Variants in LTBP1 observed in about 807,000 individuals in gnomAD.
LTBP1 encodes latent transforming growth factor beta binding protein 1, also known as latent-transforming growth factor beta-binding protein 1.
A neutral mutation model predicts 207.6 loss-of-function variants in LTBP1; 129 were observed. The ratio of observed to expected loss-of-function variants is 0.62; its 90% CI spans 0.54 to 0.72. LTBP1 has a LOEUF of 0.72. Among genes scored for constraint, LTBP1 ranks in the 30% least tolerant of loss-of-function variants. LTBP1 has a pLI of 0.00. For missense variants in LTBP1, 2,281 were observed against 2,217.2 expected, an observed-to-expected ratio of 1.03 and a Z score of -0.58; for synonymous variants, 963 against 833.7, an observed-to-expected ratio of 1.16 and a Z score of -2.67.
intron 33 of LTBP1, 88 bp downstream of exon 33, chr2:33,397,370 T>C: frequency 1.3e-6 from 2 of 1,492,638 alleles, no homozygotes; most frequent in Non-Finnish European, 1.8e-6. Flanking sequence ...ATAGATTTGC[T>C]GAGTTTCAGT....
At chr2:33,240,639 A>G (rs553148897) in intron 9 of LTBP1, among the ~76,000 whole-genome samples, 42 of 150,568 alleles carry the variant, frequency 2.8e-4, no homozygotes, top group African/African-American at 9.3e-4. Flanking sequence ...AGGTGATGGA[A>G]ACATTCTTTT....
intron 31 of LTBP1, among the ~76,000 whole-genome samples, chr2:33,380,268 G>T (rs939261271): frequency 6.6e-6 from 1 of 151,998 alleles, no homozygotes; most frequent in Non-Finnish European, 1.5e-5. Context: ...GAGTTTTGCA[G>T]CCCATGATAA....
Position 33,301,671 on chromosome 2 carries a change from C to G in LTBP1, c.3481+27C>G, listed in dbSNP as rs758771990. The G allele has an allele frequency of 1.9e-6, 3 of 1,553,926 alleles. No individual in the cohort carries two copies. The South Asian group carries it at 3.7e-5, about 19-fold the overall frequency. On this transcript the variant is annotated intron_variant, in intron 22 of 33. Transcript: ENST00000404816. ...TAAGAATTGCTCCTGATTTCAGAAT[C>G]ATAAAATGCCCAGATCGGAGGGAAA...
intron 24 of LTBP1, among the ~76,000 whole-genome samples, chr2:33,316,754 T>C (rs1378502291): frequency 6.6e-6 from 1 of 152,228 alleles, no homozygotes; most frequent in Non-Finnish European, 1.5e-5. Context: ...CATGAATGCA[T>C]ACATTCTTCT....
intron 2 of LTBP1, among the ~76,000 whole-genome samples, chr2:32,953,178 G>A (rs1168419834): frequency 6.6e-6 from 1 of 152,232 alleles, no homozygotes; most frequent in Non-Finnish European, 1.5e-5. Context: ...ATGCAAAGGA[G>A]ACAGAGTCAC....
chr2:33,349,786 G>A (rs191494077), intron 26 of LTBP1, among the ~76,000 whole-genome samples: 1 of 152,248 alleles, frequency 6.6e-6, no homozygotes, highest in East Asian at 1.9e-4. Flanking sequence ...ATATTGTACT[G>A]GTTGATGTAA....
At chr2:33,391,974 T>C (rs962505251) in intron 32 of LTBP1, among the ~76,000 whole-genome samples, 8 of 152,146 alleles carry the variant, frequency 5.3e-5, no homozygotes, top group Non-Finnish European at 2.9e-5. Context: ...TCCCAGCCAG[T>C]TTTCTGACCT....
At chr2:33,371,818 C>A (rs575493221) in intron 31 of LTBP1, among the ~76,000 whole-genome samples, 1 of 152,182 alleles carries the variant, frequency 6.6e-6, no homozygotes, top group African/African-American at 2.4e-5. Flanking sequence ...CAACCACGGT[C>A]CGAAATATTA....
At chr2:32,953,014 T>G (rs1677420929) in intron 2 of LTBP1, among the ~76,000 whole-genome samples, 1 of 152,232 alleles carries the variant, frequency 6.6e-6, no homozygotes, top group Non-Finnish European at 1.5e-5. Flanking sequence ...GGAGTGCAGG[T>G]CTGTTTTTAC....
At chr2:33,317,387 A>G (rs2094288948) in intron 24 of LTBP1, among the ~76,000 whole-genome samples, 1 of 152,238 alleles carries the variant, frequency 6.6e-6, no homozygotes, top group Non-Finnish European at 1.5e-5. Flanking sequence ...CGTAATTATT[A>G]TGCATGTTAT....
chr2:33,173,522 C>G (rs1369775941), intron 5 of LTBP1, among the ~76,000 whole-genome samples: 1 of 152,208 alleles, frequency 6.6e-6, no homozygotes, highest in South Asian at 2.1e-4. Flanking sequence ...ACTAGCTTAC[C>G]AACCAAAAAG....
intron 22 of LTBP1, among the ~76,000 whole-genome samples, chr2:33,308,643 T>G (rs910948126): frequency 2.0e-5 from 3 of 152,226 alleles, no homozygotes; most frequent in African/African-American, 7.2e-5. Flanking sequence ...TTTGTGACAA[T>G]TCTTATGTTA....
intron 9 of LTBP1, among the ~76,000 whole-genome samples, chr2:33,224,401 A>G (rs1217216406): frequency 6.6e-6 from 1 of 152,184 alleles, no homozygotes; most frequent in East Asian, 1.9e-4. Flanking sequence ...AAATGGATAA[A>G]ATATACATAT....
At chr2:33,183,259 C>A (rs1009124415) in intron 5 of LTBP1, among the ~76,000 whole-genome samples, 1 of 152,144 alleles carries the variant, frequency 6.6e-6, no homozygotes, top group Admixed American at 6.6e-5. Flanking sequence ...GCTATACTTT[C>A]TTTTTTGTTG....
At chr2:33,139,607 T>C (rs148304038) in intron 5 of LTBP1, among the ~76,000 whole-genome samples, 3,227 of 152,230 alleles carry the variant, frequency 0.021, 51 homozygotes, top group Non-Finnish European at 0.034. Flanking sequence ...GCGTGTTGTA[T>C]CATGGTGAGG....
rs1409633923 is a variant in LTBP1 at position 33,273,624 on chromosome 2, G to T, written c.2618-32G>T. 6 of 1,562,678 alleles carry T rather than the reference G, an allele frequency of 3.8e-6. No individual in the cohort carries two copies. The South Asian group carries it at 7.2e-5, about 19-fold the overall frequency. On this transcript the variant is annotated intron_variant, in intron 15 of 33. Coordinates refer to ENST00000404816, the MANE Select transcript of LTBP1 (RefSeq NM_206943.4). ...CAGTGAAATCTGTTCATTTCTGTGG[G>T]TTTTTTCACATTATTTTATTTACTT...
intron 9 of LTBP1, among the ~76,000 whole-genome samples, chr2:33,224,592 A>G (rs1243566425): frequency 6.6e-6 from 1 of 152,178 alleles, no homozygotes; most frequent in Non-Finnish European, 1.5e-5. Flanking sequence ...TGTTTCGGTT[A>G]TGGAGCAAAT....
chr2:33,373,457 C>T (rs1262487915), intron 31 of LTBP1, among the ~76,000 whole-genome samples: 7 of 152,136 alleles, frequency 4.6e-5, no homozygotes, highest in Non-Finnish European at 2.9e-5. Context: ...AGCACAAAGG[C>T]ATGATGTGAA....
rs192585297 is a variant in LTBP1 at position 33,257,409 on chromosome 2, G to A, written c.2293G>A (p.Val765Ile). The A allele has an allele frequency of 1.9e-6, 3 of 1,614,080 alleles. No homozygotes were observed. Among genetic ancestry groups the A allele is most frequent in the Non-Finnish European group, 2.5e-6 (3 of 1,180,034 alleles). Reference sequence around the variant, plus strand: ...TGTCAAGCCAAAGAACACTCAACCTGTTGCTAAAAGTACTCATCCTCCACC... The same window carrying A: ...TGTCAAGCCAAAGAACACTCAACCTATTGCTAAAAGTACTCATCCTCCACC... ...VFVKPKNTQPVAKSTHPPPLP... is the reference protein window; with the variant it reads ...VFVKPKNTQPIAKSTHPPPLP... Residue 765 changes from valine (V) to isoleucine (I), a missense_variant, in exon 12 of 34, where the codon GTT (valine) becomes ATT (isoleucine). By Grantham distance (29) the Val-to-Ile change is conservative. Transcript: ENST00000404816.
Sources: allele counts gnomAD v4.1 joint callset (sites outside exome capture counted in the v4.1 genomes callset), GRCh38; gene constraint gnomAD v4.1.1; transcripts MANE v1.5; gene names NCBI Gene and HGNC (gene_info 2026-07-23, HGNC 2026-07-21).